The following NDUFAF2 variants were observed in gnomAD, a reference collection of about 807,000 sequenced individuals.
The protein encoded by NDUFAF2 is NADH:ubiquinone oxidoreductase complex assembly factor 2, also known as NADH dehydrogenase [ubiquinone] 1 alpha subcomplex assembly factor 2.
NDUFAF2 carries 13 observed loss-of-function variants against 22.8 expected under a neutral mutation model. The observed-to-expected ratio is 0.57, with a 90% CI of 0.37 to 0.91. The LOEUF is 0.91. Among genes scored for constraint, NDUFAF2 ranks in the 40% least tolerant of loss-of-function variants. The pLI is 0.01. For synonymous variants in NDUFAF2, 53 were observed against 64.2 expected (o/e 0.83, Z 0.84); for missense variants, 162 against 195.2 (o/e 0.83, Z 1.01).
chr5:61,124,319 C>G (rs896359322), intron 3 of NDUFAF2, among the ~76,000 whole-genome samples: 11 of 151,844 alleles, frequency 7.2e-5, no homozygotes, highest in African/African-American at 2.4e-4. Flanking sequence ...TTACTCTTTA[C>G]TTTTTTCCAT....
chr5:61,032,823 C>G (rs967852143), intron 1 of NDUFAF2, among the ~76,000 whole-genome samples: 4 of 152,084 alleles, frequency 2.6e-5, no homozygotes, highest in African/African-American at 9.7e-5. Context: ...GACACTACTG[C>G]CCATTAATGG....
chr5:61,072,612 T>A (rs540832314), intron 1 of NDUFAF2, among the ~76,000 whole-genome samples: 2 of 152,328 alleles, frequency 1.3e-5, no homozygotes, highest in East Asian at 3.9e-4. Flanking sequence ...TTATTTATTT[T>A]TTGAGATGGA....
At chr5:60,976,449 A>C (rs1478256072) in intron 1 of NDUFAF2, among the ~76,000 whole-genome samples, 1 of 152,016 alleles carries the variant, frequency 6.6e-6, no homozygotes, top group Non-Finnish European at 1.5e-5. Context: ...TGTCCTCCGC[A>C]CTTATGTTGA....
In NDUFAF2 at chr5:60,949,165, C is replaced by T. The variant is rs1427857275; in HGVS notation, c.127+3783C>T. Among the ~76,000 whole-genome samples the T allele has an allele frequency of 5.3e-5, 8 of 152,272 alleles. No individual in the cohort carries two copies. In the South Asian group the frequency reaches 1.0e-3, roughly 20 times the overall value. ...CCAAAATCAGGATACAGAACAGTTC[C>T]GTCACCCTGAATAACTCCCTCATGC... On this transcript the variant is annotated intron_variant, in intron 1 of 3. Transcript: ENST00000296597.
rs76780181 is a variant in NDUFAF2, at chr5:60,949,432, A to G, written c.127+4050A>G. On this transcript the variant is annotated intron_variant, in intron 1 of 3. Coordinates refer to ENST00000296597, the MANE Select transcript of NDUFAF2 (RefSeq NM_174889.5). The stretch of plus-strand genomic sequence containing the variant: ...TGTTAATGGATGTACCAGTTTGTTC[A>G]TTTACTCATTAAAGGGCATTTGAGT... 5.6e-3 allele frequency among the ~76,000 whole-genome samples: 860 copies of G among 152,262 alleles called. 10 individuals carry two copies. The highest frequency in any genetic ancestry group is 0.02 in the African/African-American group (831 of 41,544).
intron 1 of NDUFAF2, among the ~76,000 whole-genome samples, chr5:61,049,021 A>G (rs1163418030): frequency 1.3e-5 from 2 of 152,146 alleles, no homozygotes; most frequent in Non-Finnish European, 2.9e-5. Context: ...TATTTTAAAA[A>G]TCAATGTATA....
chr5:61,009,726 G>T (rs191979557), intron 1 of NDUFAF2, among the ~76,000 whole-genome samples: 130 of 152,090 alleles, frequency 8.5e-4, no homozygotes, highest in African/African-American at 3.0e-3. Flanking sequence ...CATGGCTCCA[G>T]TGCTGATTGC....
intron 3 of NDUFAF2, among the ~76,000 whole-genome samples, chr5:61,133,166 C>T (rs1753133786): frequency 6.6e-6 from 1 of 152,124 alleles, no homozygotes; most frequent in African/African-American, 2.4e-5. Flanking sequence ...TGTAACCCAT[C>T]ATATTTGTAT....
intron 3 of NDUFAF2, among the ~76,000 whole-genome samples, chr5:61,149,344 A>T (rs1022407152): frequency 9.2e-5 from 14 of 152,172 alleles, no homozygotes; most frequent in Admixed American, 8.5e-4. Flanking sequence ...TACTGTTATG[A>T]GTATAAGCCC....
At chr5:61,044,953 G>A (rs988068015) in intron 1 of NDUFAF2, among the ~76,000 whole-genome samples, 16 of 151,226 alleles carry the variant, frequency 1.1e-4, no homozygotes, top group African/African-American at 1.9e-4. Context: ...CTTTCAATCC[G>A]TGAACATGGG....
chr5:61,107,026 T>G (rs1752773066), intron 3 of NDUFAF2, among the ~76,000 whole-genome samples: 1 of 138,044 alleles, frequency 7.2e-6, no homozygotes, highest in African/African-American at 2.8e-5. Context: ...TATTCTGATT[T>G]CCTTTCCTTT....
intron 1 of NDUFAF2, among the ~76,000 whole-genome samples, chr5:61,068,514 A>G (rs993760091): frequency 6.6e-6 from 1 of 152,164 alleles, no homozygotes; most frequent in African/African-American, 2.4e-5. Context: ...GCGCACATGT[A>G]TATGTGTTTG....
chr5:60,987,692 T>C (rs989289038), intron 1 of NDUFAF2, among the ~76,000 whole-genome samples: 105 of 152,324 alleles, frequency 6.9e-4, no homozygotes, highest in African/African-American at 2.5e-3. Context: ...CATGTGATTA[T>C]CTCAATAGAT....
rs74356497 is a variant in NDUFAF2 at position 61,013,951 on chromosome 5, A to G, written c.128-59174A>G. ...TATTGAATTTGATTGTAGGTGTGGT[A>G]CCATGGGAAATACATATTTAATTTT... On this transcript the variant is annotated intron_variant, in intron 1 of 3. Transcript: ENST00000296597. Among the ~76,000 whole-genome samples, 1,164 of 152,318 alleles carry G rather than the reference A, an allele frequency of 7.6e-3. 15 individuals carry two copies. The highest frequency in any genetic ancestry group is 0.026 in the African/African-American group (1,090 of 41,560).
intron 1 of NDUFAF2, among the ~76,000 whole-genome samples, chr5:61,003,037 A>G (rs943103170): frequency 3.9e-5 from 6 of 152,146 alleles, no homozygotes; most frequent in Non-Finnish European, 8.8e-5. Context: ...ATGGCTGTCC[A>G]CTATTCACTG....
intron 1 of NDUFAF2, among the ~76,000 whole-genome samples, chr5:61,050,193 G>A (rs1752007305): frequency 6.6e-6 from 1 of 151,974 alleles, no homozygotes; most frequent in African/African-American, 2.4e-5. Context: ...CCCACCAACA[G>A]TGCACAAGGG....
intron 1 of NDUFAF2, among the ~76,000 whole-genome samples, chr5:61,061,724 C>CA (rs965577941): frequency 2.6e-5 from 4 of 152,210 alleles, no homozygotes; most frequent in African/African-American, 9.7e-5. Flanking sequence ...ACTCTCCAGA[C>CA]ACTCTGAGCA....
At chr5:61,113,108 GAAA>G (rs1468248432) in intron 3 of NDUFAF2, among the ~76,000 whole-genome samples, 1 of 151,952 alleles carries the variant, frequency 6.6e-6, no homozygotes, top group Non-Finnish European at 1.5e-5. Context: ...CTACTGTCTT[GAAA>G]GATTATTGTA....
chr5:60,996,425 A>G (rs1751229616), intron 1 of NDUFAF2, among the ~76,000 whole-genome samples: 2 of 152,090 alleles, frequency 1.3e-5, no homozygotes, highest in South Asian at 4.1e-4. Flanking sequence ...GATGTAAGAC[A>G]GAGTCCTCCC....
Sources: allele counts gnomAD v4.1 joint callset (sites outside exome capture counted in the v4.1 genomes callset), GRCh38; gene constraint gnomAD v4.1.1; transcripts MANE v1.5; gene names NCBI Gene and HGNC (gene_info 2026-07-23, HGNC 2026-07-21).